The following PDE4D variants were observed in gnomAD, a reference collection of about 807,000 sequenced individuals.
The protein encoded by PDE4D is 3',5'-cyclic-AMP phosphodiesterase 4D.
In PDE4D, 24 loss-of-function variants were observed where a neutral mutation model predicts 87.4. The observed-to-expected ratio is 0.27, with a 90% confidence interval of 0.20 to 0.39. PDE4D has a LOEUF of 0.39. PDE4D is among the 10% of genes least tolerant of loss of function. The pLI is 1.00. For missense variants in PDE4D, 714 were observed against 1,041.0 expected (o/e 0.69, Z 4.32); for synonymous variants, 384 against 383.2 (o/e 1.00, Z -0.02).
At chr5:60,325,144 T>C (rs1473243627) in intron 1 of PDE4D, among the ~76,000 whole-genome samples, 1 of 152,176 alleles carries the variant, frequency 6.6e-6, no homozygotes, top group Non-Finnish European at 1.5e-5. Context: ...TTATTCCCAC[T>C]AAGATTCATT....
chr5:59,200,047 GTA>G (rs1345294074), intron 2 of PDE4D, among the ~76,000 whole-genome samples: 49 of 39,462 alleles, frequency 1.2e-3, no homozygotes, highest in African/African-American at 2.9e-3. Flanking sequence ...ACACACGTAT[GTA>G]CACACATGCA....
chr5:60,040,416 G>T (rs145347674), intron 2 of PDE4D, among the ~76,000 whole-genome samples: 4 of 152,150 alleles, frequency 2.6e-5, no homozygotes, highest in Non-Finnish European at 4.4e-5. Flanking sequence ...CTCCAGGTTG[G>T]GTGGAAATTC....
chr5:59,930,328 T>G (rs1164100475), intron 3 of PDE4D, among the ~76,000 whole-genome samples: 2 of 152,062 alleles, frequency 1.3e-5, no homozygotes, highest in Non-Finnish European at 2.9e-5. Flanking sequence ...CAATGATAAG[T>G]GCCCTTAGAA....
In PDE4D at chr5:58,971,227, T is replaced by A. The variant is rs1579996339; in HGVS notation, c.*3437A>T. On this transcript the variant is annotated 3_prime_UTR_variant, in exon 15 of 15. Transcript: ENST00000340635. ...AGCCCTGGGACCAAAGACCTGCAGC[T>A]ATGTTTTTTTAAATTTATATATCTT... 2 of 152,488 alleles carry A rather than the reference T, an allele frequency of 1.3e-5. No individual in the cohort carries two copies. The highest frequency in any genetic ancestry group is 1.3e-4 in the Admixed American group (2 of 15,306). 9.4% of individuals were successfully genotyped at this position (152,488 alleles called of 1,614,324 possible). A position where few individuals can be genotyped will look rare whatever the true frequency, so the allele number is the denominator to read the frequency against.
chr5:60,121,448 A>T (rs533277819), intron 2 of PDE4D, among the ~76,000 whole-genome samples: 1 of 152,270 alleles, frequency 6.6e-6, no homozygotes, highest in Admixed American at 6.5e-5. Context: ...TTACACTTCC[A>T]TGTGTCTGGG....
At chr5:60,367,263 A>G (rs572465020) in intron 1 of PDE4D, among the ~76,000 whole-genome samples, 1 of 151,904 alleles carries the variant, frequency 6.6e-6, no homozygotes. Context: ...AGCCTGACCA[A>G]CATGTAGAAA....
chr5:59,809,117 C>T (rs139592283), intron 1 of PDE4D, among the ~76,000 whole-genome samples: 46 of 152,134 alleles, frequency 3.0e-4, no homozygotes, highest in African/African-American at 8.7e-4. Flanking sequence ...ATTTAAGTAC[C>T]GTGCCTTAGT....
intron 1 of PDE4D, among the ~76,000 whole-genome samples, chr5:59,577,946 T>C (rs996103074): frequency 1.3e-5 from 2 of 152,228 alleles, no homozygotes; most frequent in African/African-American, 4.8e-5. Flanking sequence ...TCAGTTCTGG[T>C]TAAAGTCATA....
At chr5:59,575,154 G>A (rs1052547463) in intron 1 of PDE4D, among the ~76,000 whole-genome samples, 23 of 152,272 alleles carry the variant, frequency 1.5e-4, no homozygotes, top group Admixed American at 1.2e-3. Flanking sequence ...TTCTTGGCAA[G>A]TGAAGAGATA....
chr5:60,517,120 G>A (rs1750834040), intron 1 of PDE4D, among the ~76,000 whole-genome samples: 2 of 152,202 alleles, frequency 1.3e-5, no homozygotes, highest in Admixed American at 1.3e-4. Context: ...TGCAAGCTGG[G>A]GCACTGTCAC....
chr5:59,625,634 C>T (rs35668824), intron 1 of PDE4D, among the ~76,000 whole-genome samples: 39,305 of 152,016 alleles, frequency 0.26, 5,242 homozygotes, highest in African/African-American at 0.29. Context: ...GATAAGAAGA[C>T]GGTGTCTCAT....
intron 1 of PDE4D, among the ~76,000 whole-genome samples, chr5:60,378,721 T>G (rs549590852): frequency 6.6e-5 from 10 of 151,962 alleles, no homozygotes; most frequent in Non-Finnish European, 1.3e-4. Flanking sequence ...GGCATGGTGG[T>G]GCCCATCTGT....
intron 2 of PDE4D, among the ~76,000 whole-genome samples, chr5:59,999,528 A>G: frequency 9.6e-6 from 1 of 104,612 alleles, no homozygotes; most frequent in Non-Finnish European, 2.0e-5. Context: ...TCCCGTGGTA[A>G]AAAAAAAAAA....
intron 1 of PDE4D, among the ~76,000 whole-genome samples, chr5:60,268,615 C>G (rs1399166671): frequency 6.6e-6 from 1 of 152,250 alleles, no homozygotes; most frequent in Non-Finnish European, 1.5e-5. Context: ...TGCTCCCAGC[C>G]TCCTGTGGGA....
At chr5:59,646,261 C>G (rs1742425315) in intron 1 of PDE4D, among the ~76,000 whole-genome samples, 1 of 152,162 alleles carries the variant, frequency 6.6e-6, no homozygotes, top group Non-Finnish European at 1.5e-5. Context: ...GGTATAAAGC[C>G]TGGACCCACT....
chr5:59,626,583 C>T (rs1219023955), intron 1 of PDE4D, among the ~76,000 whole-genome samples: 2 of 152,056 alleles, frequency 1.3e-5, no homozygotes, highest in African/African-American at 2.4e-5. Context: ...ACAGTGAGAT[C>T]CCATCTCTAC....
intron 5 of PDE4D, among the ~76,000 whole-genome samples, chr5:59,159,479 G>A (rs1780728946): frequency 1.3e-5 from 2 of 152,084 alleles, no homozygotes; most frequent in South Asian, 2.1e-4. Context: ...GTCCTTGGGG[G>A]TAGGACTATA....
chr5:59,482,909 C>G (rs12656245), intron 1 of PDE4D, among the ~76,000 whole-genome samples: 1 of 152,106 alleles, frequency 6.6e-6, no homozygotes, highest in Admixed American at 6.6e-5. Flanking sequence ...TAATTAACAT[C>G]ATCTGGGGTA....
At chr5:59,493,204 A>G (rs1266303051) in intron 1 of PDE4D, among the ~76,000 whole-genome samples, 1 of 152,200 alleles carries the variant, frequency 6.6e-6, no homozygotes, top group Non-Finnish European at 1.5e-5. Context: ...GGGACCCAGA[A>G]AAAAGACTAT....
Sources: allele counts gnomAD v4.1 joint callset (sites outside exome capture counted in the v4.1 genomes callset), GRCh38; gene constraint gnomAD v4.1.1; transcripts MANE v1.5; gene names NCBI Gene and HGNC (gene_info 2026-07-23, HGNC 2026-07-21).